Variants in CTDSPL observed in about 807,000 individuals in gnomAD.
CTDSPL encodes CTD small phosphatase like.
A neutral mutation model predicts 30.5 loss-of-function variants in CTDSPL; 8 were observed. The observed-to-expected ratio is 0.26, with a 90% CI of 0.15 to 0.47. The LOEUF is 0.47. CTDSPL is among the 20% of genes least tolerant of loss of function. CTDSPL has a pLI of 0.99. For missense variants in CTDSPL, 248 were observed against 366.1 expected (o/e 0.68, Z 2.63); for synonymous variants, 110 against 137.9 (o/e 0.80, Z 1.42).
At chr3:37,883,619 G>A (rs944522344) in intron 1 of CTDSPL, among the ~76,000 whole-genome samples, 1 of 152,184 alleles carries the variant, frequency 6.6e-6, no homozygotes, top group South Asian at 2.1e-4. Context: ...CCTCAAACAG[G>A]TTGAGGAATT....
At chr3:37,879,923 T>C (rs1321515226) in intron 1 of CTDSPL, among the ~76,000 whole-genome samples, 2 of 151,730 alleles carry the variant, frequency 1.3e-5, no homozygotes, top group African/African-American at 4.8e-5. Context: ...ATTAATACTA[T>C]CTCTTATTTA....
chr3:37,889,041 A>G (rs1408384289), intron 1 of CTDSPL, among the ~76,000 whole-genome samples: 1 of 152,206 alleles, frequency 6.6e-6, no homozygotes, highest in African/African-American at 2.4e-5. Context: ...AAATTTTAAT[A>G]TTTACAAATG....
Position 37,983,060 on chromosome 3 carries a change from G to A in CTDSPL, c.*2193G>A. ...GAGTGAAGACACTTGGCAGACTTGA[G>A]CCAGACACTTCACCTAGTAGTTCCT... On this transcript the variant is annotated 3_prime_UTR_variant, in exon 8 of 8. Transcript: ENST00000273179. The A allele has an allele frequency of 5.6e-6, 1 of 178,380 alleles. No individual in the cohort carries two copies. Among genetic ancestry groups the A allele is most frequent in the East Asian group, 1.5e-4 (1 of 6,636 alleles). The allele number at this position is 178,380 out of a possible 1,614,324, so 11.0% of individuals were successfully genotyped here.
At chr3:37,934,726 A>C (rs973142000) in intron 1 of CTDSPL, among the ~76,000 whole-genome samples, 4 of 152,224 alleles carry the variant, frequency 2.6e-5, no homozygotes, top group Non-Finnish European at 5.9e-5. Flanking sequence ...AGTAGACAAG[A>C]GGGATTCCTG....
intron 6 of CTDSPL, among the ~76,000 whole-genome samples, chr3:37,974,249 G>C (rs1196412269): frequency 1.3e-5 from 2 of 152,144 alleles, no homozygotes; most frequent in African/African-American, 2.4e-5. Context: ...CACCTCCCTT[G>C]GCCAGTAGGA....
chr3:37,863,967 C>T (rs945074482), intron 1 of CTDSPL, among the ~76,000 whole-genome samples: 1 of 152,192 alleles, frequency 6.6e-6, no homozygotes, highest in Non-Finnish European at 1.5e-5. Context: ...GGTAAATCCC[C>T]GTATTTCTCT....
At chr3:37,979,613 A>T (rs1475871510) in intron 7 of CTDSPL, among the ~76,000 whole-genome samples, 2 of 152,226 alleles carry the variant, frequency 1.3e-5, no homozygotes, top group African/African-American at 4.8e-5. Context: ...AAAGAAAAAA[A>T]ATTAGCCAAG....
intron 1 of CTDSPL, among the ~76,000 whole-genome samples, chr3:37,882,987 A>G (rs1698224602): frequency 6.6e-6 from 1 of 152,222 alleles, no homozygotes; most frequent in South Asian, 2.1e-4. Flanking sequence ...ATGGTTTAAC[A>G]TGTTCTATTT....
intron 1 of CTDSPL, among the ~76,000 whole-genome samples, chr3:37,933,529 G>A (rs1001327063): frequency 1.3e-5 from 2 of 150,960 alleles, no homozygotes; most frequent in Non-Finnish European, 2.9e-5. Context: ...ACTGTCTCTT[G>A]GAGTATGCTC....
chr3:37,885,794 G>A (rs1698256109), intron 1 of CTDSPL, among the ~76,000 whole-genome samples: 1 of 152,184 alleles, frequency 6.6e-6, no homozygotes, highest in Non-Finnish European at 1.5e-5. Flanking sequence ...GCTAGGAAGG[G>A]CTGATCTGCA....
chr3:37,960,527 TATATATATACAC>T (rs1398575033), intron 3 of CTDSPL, among the ~76,000 whole-genome samples: 45 of 63,598 alleles, frequency 7.1e-4, no homozygotes, highest in Middle Eastern at 0.011. Context: ...TATATATATA[TATATATATACAC>T]ACACACACAC....
At chr3:37,944,647 C>T (rs765023168) in intron 1 of CTDSPL, 1 of 150,256 alleles carries the variant, frequency 6.7e-6, no homozygotes, top group African/African-American at 2.4e-5. Flanking sequence ...TAGACCAATC[C>T]AAGAGTGATT....
At chr3:37,866,431 A>G (rs894855684) in intron 1 of CTDSPL, among the ~76,000 whole-genome samples, 3 of 152,220 alleles carry the variant, frequency 2.0e-5, no homozygotes, top group Admixed American at 1.3e-4. Context: ...AGACTGGACA[A>G]CAAAGATTCC....
At chr3:37,864,980 C>T (rs539403983) in intron 1 of CTDSPL, among the ~76,000 whole-genome samples, 2 of 152,294 alleles carry the variant, frequency 1.3e-5, no homozygotes, top group South Asian at 4.1e-4. Context: ...CTGCCTGGTT[C>T]ACCACTGTGT....
intron 1 of CTDSPL, among the ~76,000 whole-genome samples, chr3:37,931,155 T>C (rs974774613): frequency 4.0e-5 from 6 of 151,798 alleles, no homozygotes; most frequent in Non-Finnish European, 5.9e-5. Context: ...CTTTTTTTTT[T>C]TTTTTCCTTC....
intron 1 of CTDSPL, among the ~76,000 whole-genome samples, chr3:37,936,403 C>T (rs1349887062): frequency 6.6e-6 from 1 of 151,908 alleles, no homozygotes; most frequent in Non-Finnish European, 1.5e-5. Flanking sequence ...CGGTTTGTGC[C>T]CTGGCCTCTT....
chr3:37,921,053 AAG>A (rs1313976535), intron 1 of CTDSPL, among the ~76,000 whole-genome samples: 3 of 152,322 alleles, frequency 2.0e-5, no homozygotes, highest in Middle Eastern at 6.8e-3. Flanking sequence ...AAGGGAGAGA[AAG>A]AGGGGAGTCC....
intron 1 of CTDSPL, among the ~76,000 whole-genome samples, chr3:37,918,703 G>A (rs1298009972): frequency 6.6e-6 from 1 of 152,094 alleles, no homozygotes; most frequent in African/African-American, 2.4e-5. Flanking sequence ...TTTAATTGTG[G>A]TAGAGTTTTG....
chr3:37,966,849 C>T lies in CTDSPL; in HGVS notation c.370-977C>T, dbSNP rs569541333. ...CCCTACCCCTGCCCAGAGGCCACCA[C>T]ACACACCTTCTCCTTCCTTCTGTCT... On this transcript the variant is annotated intron_variant, in intron 4 of 7. Transcript: ENST00000273179. Among the ~76,000 whole-genome samples the T allele has an allele frequency of 3.9e-5, 6 of 152,312 alleles. No homozygotes were observed. The South Asian group carries it at 6.2e-4, about 16-fold the overall frequency.
Sources: allele counts gnomAD v4.1 joint callset (sites outside exome capture counted in the v4.1 genomes callset), GRCh38; gene constraint gnomAD v4.1.1; transcripts MANE v1.5; gene names NCBI Gene and HGNC (gene_info 2026-07-23, HGNC 2026-07-21).